The following DSP variants were observed in gnomAD, a reference collection of about 807,000 sequenced individuals.
The protein encoded by DSP is 250/210 kDa paraneoplastic pemphigus antigen.
A neutral mutation model predicts 290.6 loss-of-function variants in DSP; 114 were observed. That is an observed-to-expected ratio of 0.39 (90% CI 0.34 to 0.46). The LOEUF (loss-of-function observed/expected upper bound fraction) is 0.46. Among genes scored for constraint, DSP ranks in the 20% least tolerant of loss-of-function variants. The pLI is 0.99. For synonymous variants in DSP, 1,311 were observed against 1,316.4 expected, an observed-to-expected ratio of 1.00 and a Z score of 0.09; for missense variants, 3,230 against 3,495.8, an observed-to-expected ratio of 0.92 and a Z score of 1.92.
In DSP at chr6:7,582,555, G is replaced by T; in HGVS notation, c.5380-87G>T. The T allele has an allele frequency of 8.7e-7, 1 of 1,153,722 alleles. No individual in the cohort carries two copies. The highest frequency in any genetic ancestry group is 1.3e-6 in the Non-Finnish European group (1 of 785,906). 71.5% of individuals were successfully genotyped at this position (1,153,722 alleles called of 1,614,324 possible). A position where few individuals can be genotyped will look rare whatever the true frequency, so the allele number is the denominator to read the frequency against. On this transcript the variant is annotated intron_variant, in intron 23 of 23. Coordinates refer to ENST00000379802, the MANE Select transcript of DSP (RefSeq NM_004415.4). This position sits in a 1 kb window ranked among gnomAD's most constrained non-coding sequence, Gnocchi z 4.2. ...AGCAAGGCTTTTTTTTTTAAAGATA[G>T]ATACACAAAAGAAAGTTAAGTCGTG...
intron 10 of DSP, 43 bp from the exon 11 acceptor site, chr6:7,568,392 TCA>T (rs1491491909): frequency 6.8e-6 from 11 of 1,608,594 alleles, no homozygotes; most frequent in Non-Finnish European, 9.4e-6. Flanking sequence ...CCTCTAAAAC[TCA>T]CAGGGTATCT....
intron 5 of DSP, 88 bp downstream of exon 5, chr6:7,562,868 C>A: frequency 1.3e-6 from 2 of 1,574,782 alleles, no homozygotes; most frequent in Non-Finnish European, 1.7e-6. Flanking sequence ...TCTTCTGAAA[C>A]ATTGCTATTA....
rs180676359 is a variant in DSP at position 7,564,267 on chromosome 6, A to G, written c.777+481A>G. Among the ~76,000 whole-genome samples the G allele has an allele frequency of 3.7e-4, 57 of 152,386 alleles. 1 individual carries two copies. The highest frequency in any genetic ancestry group is 1.2e-3 in the African/African-American group (49 of 41,596). On this transcript the variant is annotated intron_variant, in intron 6 of 23. Coordinates refer to ENST00000379802, the MANE Select transcript of DSP (RefSeq NM_004415.4). ...AAATAAAAGTTATTTTTCTCAAGAT[A>G]GAGGTCTACCAGATCGTCATCACAA...
intron 10 of DSP, 118 bp from the exon 11 acceptor site, chr6:7,568,319 A>C: frequency 8.6e-7 from 1 of 1,161,106 alleles, no homozygotes; most frequent in Admixed American, 1.9e-5. Context: ...ATTTTTTACA[A>C]TTGATGCAAC....
At position 7,577,894 on chromosome 6, in the gene DSP, T is replaced by C. The variant is rs776809248; in HGVS notation, c.2985+8T>C. 3 of 1,603,500 alleles carry C rather than the reference T, an allele frequency of 1.9e-6. No homozygotes were observed. Among genetic ancestry groups the C allele is most frequent in the Middle Eastern group, 1.7e-4 (1 of 6,044 alleles). ...GGGGTGATTCTGCAAGAGGTATATA[T>C]GTCATCACATATCTCTTAAAACCTG... On this transcript the variant is annotated splice_region_variant and intron_variant, in intron 21 of 23. Transcript: ENST00000379802.
intron 15 of DSP, among the ~76,000 whole-genome samples, chr6:7,573,851 C>CTACA (rs1434083706): frequency 2.6e-5 from 4 of 152,086 alleles, no homozygotes; most frequent in Non-Finnish European, 4.4e-5. Context: ...CGCAAGACTA[C>CTACA]AGGTAGTAAT....
At position 7,581,412 on chromosome 6, in the gene DSP, C is replaced by T. The variant is rs749124581; in HGVS notation, c.5222C>T (p.Ala1741Val). The T allele has an allele frequency of 1.3e-5, 21 of 1,613,254 alleles. No homozygotes were observed. The highest frequency in any genetic ancestry group is 1.1e-4 in the South Asian group (10 of 90,980). Residue 1741 changes from alanine to valine, a missense_variant, in exon 23 of 24, where the codon GCG becomes GTG. By Grantham distance (64) the Ala-to-Val change is moderately conservative (BLOSUM62 0). Around this residue, in one of 5 missense-constraint regions of DSP, gnomAD observed 1,714 missense variants for 1,844.5 expected, o/e 0.93. Transcript: ENST00000379802. ...YDDLRRGRSE[A>V]DSDKNATILE... ...GACCTGAGGAGAGGACGAAGCGAAG[C>T]GGACAGTGATAAAAATGCAACCATC...
In DSP at chr6:7,584,727, G is replaced by A. The variant is rs760552749; in HGVS notation, c.7465G>A (p.Asp2489Asn). ...VQEAYKKGLI[D>N]YETFKELCEQ... Reference sequence around the variant, plus strand: ...GGAGGCCTACAAGAAGGGCCTAATTGATTATGAAACCTTCAAAGAACTGTG... The same window carrying A: ...GGAGGCCTACAAGAAGGGCCTAATTAATTATGAAACCTTCAAAGAACTGTG... Residue 2489 changes from aspartate to asparagine, a missense_variant, in exon 24 of 24, where the codon GAT (aspartate) becomes AAT (asparagine). Asp to Asn is a conservative substitution (Grantham distance 23). Coordinates refer to ENST00000379802, the MANE Select transcript of DSP (RefSeq NM_004415.4). The surrounding 1 kb of genome is among the most constrained non-coding windows in gnomAD (Gnocchi z 6.4). 8 of 1,614,050 alleles carry A rather than the reference G, an allele frequency of 5.0e-6. No individual in the cohort carries two copies. Among genetic ancestry groups the A allele is most frequent in the Non-Finnish European group, 5.9e-6 (7 of 1,180,048 alleles).
rs1759185108 is a variant in DSP at position 7,574,808 on chromosome 6, C to T, written c.2436+13C>T. On this transcript the variant is annotated intron_variant, in intron 17 of 23. Coordinates refer to ENST00000379802, the MANE Select transcript of DSP (RefSeq NM_004415.4). ...CTGTGGACTGAAGGTAACTTGAAAG[C>T]TTATAACAGTGGCCCAACTTACAGG... The T allele has an allele frequency of 6.2e-6, 10 of 1,614,128 alleles. No individual in the cohort carries two copies. The highest frequency in any genetic ancestry group is 1.6e-4 in the Middle Eastern group (1 of 6,062).
chr6:7,553,404 G>A (rs183132634), intron 1 of DSP, among the ~76,000 whole-genome samples: 2 of 152,184 alleles, frequency 1.3e-5, no homozygotes, highest in East Asian at 3.9e-4. Context: ...AATCACCTTC[G>A]GAGCCAAATT....
rs186432742 is a variant in DSP at position 7,552,881 on chromosome 6, T to A, written c.171-2837T>A. ...ATGTAATTCGTTTCTAACTGTGGTA[T>A]AACTAATCAGTCTAGTTCTTGGGTA... On this transcript the variant is annotated intron_variant, in intron 1 of 23. Transcript: ENST00000379802. Among the ~76,000 whole-genome samples the A allele has an allele frequency of 2.3e-4, 35 of 150,892 alleles. 2 individuals are homozygous for A. Among genetic ancestry groups the A allele is most frequent in the African/African-American group, 8.2e-4 (34 of 41,534 alleles).
Position 7,583,704 on chromosome 6 carries a change from G to A in DSP, c.6442G>A (p.Ala2148Thr), listed in dbSNP as rs144539278. ...VNSVFLPKDV[A>T]LARGLIDRDL... ...CAGTGTCTTTTTGCCAAAAGATGTC[G>A]CCTTGGCCCGGGGGCTGATTGATAG... The change falls in exon 24 of 24, where the codon GCC becomes ACC. Residue 2148 changes from alanine to threonine, a missense_variant. By Grantham distance (58) the Ala-to-Thr change is moderately conservative. Around this residue, in one of 5 missense-constraint regions of DSP, gnomAD observed 1,714 missense variants for 1,844.5 expected, o/e 0.93. Coordinates refer to ENST00000379802, the MANE Select transcript of DSP (RefSeq NM_004415.4). This position sits in a 1 kb window ranked among gnomAD's most constrained non-coding sequence, Gnocchi z 4.0. 1.9e-5 allele frequency: 31 copies of A among 1,613,972 alleles called. No homozygotes were observed. Among genetic ancestry groups the A allele is most frequent in the African/African-American group, 6.7e-5 (5 of 74,898 alleles).
In DSP at chr6:7,582,609, A is replaced by AT. The variant is rs769630990; in HGVS notation, c.5380-27dup. On this transcript the variant is annotated intron_variant, in intron 23 of 23. Transcript: ENST00000379802. This position sits in a 1 kb window ranked among gnomAD's most constrained non-coding sequence, Gnocchi z 4.2. ...GTAATATGATATGATTCAAAACATTATTTTTTCCCATTTCTTTCTTCTTCA... is the reference window on the plus strand; with the variant it reads ...GTAATATGATATGATTCAAAACATTATTTTTTTCCCATTTCTTTCTTCTTCA... 4.5e-6 allele frequency: 7 copies of AT among 1,561,598 alleles called. No homozygotes were observed. The East Asian group carries it at 9.0e-5, about 20-fold the overall frequency.
intron 16 of DSP, 79 bp from the exon 17 acceptor site, chr6:7,574,578 A>G: frequency 4.4e-6 from 7 of 1,595,112 alleles, no homozygotes; most frequent in Middle Eastern, 1.7e-4. Flanking sequence ...GTTCCCTTTC[A>G]TTACTAGCTG....
rs765994390 is a variant in DSP, at chr6:7,569,332, C to G, written c.1566C>G (p.Leu522=). The change falls in exon 12 of 24, where the codon CTC becomes CTG. Residue 522 remains leucine, a synonymous_variant. Transcript: ENST00000379802. ...CTCCGAACCCACTGGCCGTGGACCT[C>G]TCTTGCAAGTAAGTCATCCAAGTTC... is the stretch of plus-strand genomic sequence containing the variant. ...IPPPNPLAVD[L]SCKIEQYYEA... 1 of 1,614,196 alleles carries G rather than the reference C, an allele frequency of 6.2e-7. No individual in the cohort carries two copies. The highest frequency in any genetic ancestry group is 8.5e-7 in the Non-Finnish European group (1 of 1,180,044).
In DSP at chr6:7,560,824, T is replaced by TA. The variant is rs141116885; in HGVS notation, c.597+1431dup. On this transcript the variant is annotated intron_variant, in intron 4 of 23. Transcript: ENST00000379802. ...TAAAGTTTTCTTAGTATGACAGTTA[T>TA]AAAAAAAGACAGCCTGTAATTTGTC... Among the ~76,000 whole-genome samples, 933 of 152,304 alleles carry TA rather than the reference T, an allele frequency of 6.1e-3. 6 individuals carry two copies. The highest frequency in any genetic ancestry group is 0.021 in the African/African-American group (891 of 41,566).
chr6:7,561,469 A>G (rs1011128667), intron 4 of DSP, among the ~76,000 whole-genome samples: 4 of 152,016 alleles, frequency 2.6e-5, no homozygotes, highest in African/African-American at 9.7e-5. Context: ...TGATAAGGGA[A>G]CTGTTGCCCC....
At position 7,579,347 on chromosome 6, in the gene DSP, A is replaced by G. The variant is rs1759342832; in HGVS notation, c.3157A>G (p.Asn1053Asp). ...CCGAGATGCCAACTCGGAAAACTGT[A>G]ATAAGAACAAATTCCTGGATCAGAA... is the stretch of plus-strand genomic sequence containing the variant. The part of the protein sequence containing the change: ...LARDANSENC[N>D]KNKFLDQNLQ... The change falls in exon 23 of 24, where the codon AAT becomes GAT. Residue 1053 changes from asparagine (N) to aspartate (D), a missense_variant. By Grantham distance (23) the Asn-to-Asp change is conservative. This residue lies in a region of DSP where 1,714 missense variants were observed against 1,844.5 expected (regional missense o/e 0.93). Transcript: ENST00000379802. The surrounding 1 kb of genome is among the most constrained non-coding windows in gnomAD (Gnocchi z 4.1). 1 of 1,614,076 alleles carries G rather than the reference A, an allele frequency of 6.2e-7. No homozygotes were observed. The highest frequency in any genetic ancestry group is 1.7e-5 in the Admixed American group (1 of 60,008).
At chr6:7,542,207 G>T in intron 1 of DSP, 122 bp downstream of exon 1, 1 of 1,356,886 alleles carries the variant, frequency 7.4e-7, no homozygotes, top group Non-Finnish European at 1.0e-6. Flanking sequence ...CCCAGGTCCC[G>T]AAAGAACTTC....
Sources: gnomAD v4.1 joint callset for allele counts (sites outside exome capture counted in the v4.1 genomes callset) on GRCh38, gnomAD v4.1.1 for gene constraint, gnomAD v4.1.1 regional missense constraint, Gnocchi (gnomAD v3.1) non-coding constraint, MANE v1.5 for transcripts, NCBI Gene and HGNC (gene_info 2026-07-23, HGNC 2026-07-21) for gene names.